Variants in SYT16 observed in about 807,000 individuals in gnomAD.
The protein encoded by SYT16 is synaptotagmin-16.
SYT16 carries 42 observed loss-of-function variants against 61.4 expected under a neutral mutation model. The observed-to-expected ratio is 0.68, with a 90% CI of 0.53 to 0.89. The LOEUF (loss-of-function observed/expected upper bound fraction) is 0.89, where lower values mean the gene tolerates loss of function less well. SYT16 is among the 40% of genes least tolerant of loss of function. The pLI is 0.00. For synonymous variants in SYT16, 314 were observed against 302.3 expected, an observed-to-expected ratio of 1.04 and a Z score of -0.40; for missense variants, 804 against 807.3, an observed-to-expected ratio of 1.00 and a Z score of 0.05.
intron 1 of SYT16, among the ~76,000 whole-genome samples, chr14:61,943,125 A>C (rs1040279956): frequency 1.3e-5 from 2 of 152,230 alleles, no homozygotes; most frequent in Non-Finnish European, 2.9e-5. Flanking sequence ...TAAACCAGGA[A>C]ATCTAGAAGA....
chr14:61,925,817 T>C (rs545209745), intron 1 of SYT16, among the ~76,000 whole-genome samples: 48 of 152,304 alleles, frequency 3.2e-4, no homozygotes, highest in African/African-American at 1.1e-3. Context: ...CTGAAAGCTG[T>C]GTGTGGGGCC....
intron 1 of SYT16, among the ~76,000 whole-genome samples, chr14:61,917,403 C>T (rs990210769): frequency 1.8e-4 from 27 of 152,124 alleles, no homozygotes; most frequent in African/African-American, 6.5e-4. Context: ...AGTAAATAAG[C>T]CTAGTGGTCC....
intron 3 of SYT16, among the ~76,000 whole-genome samples, chr14:62,039,192 A>C (rs1212660091): frequency 6.6e-6 from 1 of 152,182 alleles, no homozygotes; most frequent in East Asian, 1.9e-4. Context: ...TAATTCAGCT[A>C]ATGCTTTCAG....
intron 5 of SYT16, chr14:62,079,343 A>C (rs1366777375): frequency 5.0e-6 from 6 of 1,196,830 alleles, no homozygotes; most frequent in Middle Eastern, 2.3e-4. Flanking sequence ...CTTGCAGGCT[A>C]ATTTGAATCT....
At chr14:62,044,782 T>C (rs1442708322) in intron 3 of SYT16, among the ~76,000 whole-genome samples, 1 of 152,108 alleles carries the variant, frequency 6.6e-6, no homozygotes, top group African/African-American at 2.4e-5. Flanking sequence ...CTGATAAGCA[T>C]ATGTGGGGGT....
chr14:61,911,274 A>G (rs1384396413), intron 1 of SYT16, among the ~76,000 whole-genome samples: 3 of 152,188 alleles, frequency 2.0e-5, no homozygotes, highest in Admixed American at 6.5e-5. Context: ...GAGATCTGCT[A>G]TCAGAACCAG....
At chr14:62,051,168 T>G (rs1180267330) in intron 3 of SYT16, among the ~76,000 whole-genome samples, 1 of 152,334 alleles carries the variant, frequency 6.6e-6, no homozygotes, top group Admixed American at 6.5e-5. Flanking sequence ...GCCTGGGCAA[T>G]GGCAGGCGCC....
At chr14:61,900,158 C>CTT (rs5809128) in intron 1 of SYT16, among the ~76,000 whole-genome samples, 11 of 106,726 alleles carry the variant, frequency 1.0e-4, no homozygotes, top group African/African-American at 2.1e-4. Context: ...TAAATTTCTG[C>CTT]TTTTTTTTTT....
intron 1 of SYT16, among the ~76,000 whole-genome samples, chr14:61,896,592 T>G (rs2048334493): frequency 1.3e-5 from 2 of 152,174 alleles, no homozygotes; most frequent in African/African-American, 4.8e-5. Flanking sequence ...AAGGCCAGAA[T>G]GAGTTAATGA....
chr14:61,936,142 T>A (rs1389797699), intron 1 of SYT16, among the ~76,000 whole-genome samples: 2 of 152,212 alleles, frequency 1.3e-5, no homozygotes, highest in African/African-American at 4.8e-5. Context: ...TCTGTTTGAT[T>A]GGAAAAAGGA....
intron 3 of SYT16, among the ~76,000 whole-genome samples, chr14:62,023,833 A>G (rs1889808): frequency 0.38 from 57,018 of 151,946 alleles, 11,585 homozygotes; most frequent in East Asian, 0.67. Flanking sequence ...CTACCTTGCA[A>G]ACATGTCCTG....
chr14:62,050,777 C>T (rs1332220782), intron 3 of SYT16, among the ~76,000 whole-genome samples: 1 of 152,076 alleles, frequency 6.6e-6, no homozygotes, highest in Non-Finnish European at 1.5e-5. Context: ...GTGGTGGCTG[C>T]AGAACAGCAG....
In SYT16 at chr14:62,105,126, C is replaced by A. The variant is rs916175977; in HGVS notation, c.*4419C>A. The A allele has an allele frequency of 5.9e-5, 9 of 152,120 alleles. No individual in the cohort carries two copies. The highest frequency in any genetic ancestry group is 5.9e-4 in the Admixed American group (9 of 15,258). 9.4% of individuals were successfully genotyped at this position (152,120 alleles called of 1,614,324 possible). On this transcript the variant is annotated 3_prime_UTR_variant, in exon 8 of 8. Coordinates refer to ENST00000683842, the MANE Select transcript of SYT16 (RefSeq NM_001367656.1). ...AGCCTGGTATGTGGAGGAAATTGAG[C>A]CTTAATAGAGTCCAACTGTGGTAGA...
At position 62,043,643 on chromosome 14, in the gene SYT16, G is replaced by A. The variant is rs141184634; in HGVS notation, c.524-25960G>A. Among the ~76,000 whole-genome samples the A allele has an allele frequency of 7.9e-3, 1,209 of 152,138 alleles. 8 individuals carry two copies. Among genetic ancestry groups the A allele is most frequent in the Non-Finnish European group, 0.015 (992 of 67,980 alleles). On this transcript the variant is annotated intron_variant, in intron 3 of 7. Transcript: ENST00000683842. ...AGGATGGTCTTGATCTCTTGACTTC[G>A]TGATCCACCTGCCTTGGCCTCCCAA...
At chr14:61,978,617 G>T (rs2051922084) in intron 2 of SYT16, among the ~76,000 whole-genome samples, 1 of 152,160 alleles carries the variant, frequency 6.6e-6, no homozygotes, top group Admixed American at 6.5e-5. Context: ...TGGCCAGGTG[G>T]AGAACCATTG....
chr14:61,923,729 A>C (rs1566683983), intron 1 of SYT16, among the ~76,000 whole-genome samples: 1 of 152,142 alleles, frequency 6.6e-6, no homozygotes, highest in Non-Finnish European at 1.5e-5. Context: ...TTTTGAGTTT[A>C]GGGGTTTGAC....
At chr14:61,845,852 G>C (rs771661604) in intron 1 of SYT16, among the ~76,000 whole-genome samples, 15 of 152,072 alleles carry the variant, frequency 9.9e-5, no homozygotes, top group Non-Finnish European at 2.2e-4. Context: ...GTGTCTCACA[G>C]GTTTTGGTAT....
At chr14:61,958,948 A>G (rs967111390) in intron 1 of SYT16, among the ~76,000 whole-genome samples, 1 of 152,038 alleles carries the variant, frequency 6.6e-6, no homozygotes, top group Non-Finnish European at 1.5e-5. Flanking sequence ...GAGCATATAT[A>G]TTTTTAGTTG....
At chr14:61,814,858 G>T (rs776459425) in intron 1 of SYT16, among the ~76,000 whole-genome samples, 44 of 152,126 alleles carry the variant, frequency 2.9e-4, no homozygotes, top group Non-Finnish European at 4.7e-4. Context: ...AAAATTTCCC[G>T]CAAAGCTTGA....
Sources: gnomAD v4.1 joint callset for allele counts (sites outside exome capture counted in the v4.1 genomes callset) on GRCh38, gnomAD v4.1.1 for gene constraint, MANE v1.5 for transcripts, NCBI Gene and HGNC (gene_info 2026-07-23, HGNC 2026-07-21) for gene names.